The following PPFIA2 variants were observed in gnomAD, a reference collection of about 807,000 sequenced individuals.
The protein encoded by PPFIA2 is PPFI scaffold protein A2.
PPFIA2 carries 46 observed loss-of-function variants against 175.5 expected under a neutral mutation model. That is an observed-to-expected ratio of 0.26 (90% CI 0.21 to 0.34). The LOEUF is 0.34. Ranked by LOEUF, PPFIA2 falls within the 10% of genes least tolerant of loss-of-function variation. The pLI is 1.00. For synonymous variants in PPFIA2, 568 were observed against 511.4 expected (o/e 1.11, Z -1.49); for missense variants, 1,179 against 1,506.1 (o/e 0.78, Z 3.60).
chr12:81,290,204 G>A (rs1204923915), intron 24 of PPFIA2, among the ~76,000 whole-genome samples: 2 of 151,290 alleles, frequency 1.3e-5, no homozygotes, highest in Non-Finnish European at 3.0e-5. Flanking sequence ...AAAATAACTT[G>A]TATAATCTAA....
intron 22 of PPFIA2, among the ~76,000 whole-genome samples, chr12:81,306,150 T>C (rs2049089726): frequency 6.6e-6 from 1 of 152,182 alleles, no homozygotes; most frequent in Non-Finnish European, 1.5e-5. Flanking sequence ...CTTTCTATTG[T>C]CACTGCTACC....
At chr12:81,445,477 G>T in intron 6 of PPFIA2, 79 bp downstream of exon 6, 1 of 1,360,376 alleles carries the variant, frequency 7.4e-7, no homozygotes, top group East Asian at 2.4e-5. Context: ...GGAGTCAGGT[G>T]AGTCAATGGA....
intron 4 of PPFIA2, among the ~76,000 whole-genome samples, chr12:81,491,205 CT>C (rs769765539): frequency 7.7e-6 from 1 of 130,302 alleles, no homozygotes; most frequent in Non-Finnish European, 1.6e-5. Flanking sequence ...TCTGGAATTA[CT>C]TTTTTTGTTT....
At chr12:81,657,207 G>A (rs542224250) in intron 4 of PPFIA2, among the ~76,000 whole-genome samples, 10 of 152,164 alleles carry the variant, frequency 6.6e-5, no homozygotes, top group Admixed American at 2.0e-4. Flanking sequence ...TAATGCTGCC[G>A]CCAATCTTCT....
intron 6 of PPFIA2, among the ~76,000 whole-genome samples, chr12:81,445,223 G>GAGAGA (rs1258911475): frequency 8.0e-5 from 5 of 62,776 alleles, no homozygotes; most frequent in African/African-American, 4.1e-4. Flanking sequence ...GGGGGAGGGG[G>GAGAGA]GAGAGAGAGA....
rs73358681 is a variant in PPFIA2, at chr12:81,503,178, C to T, written c.304-45312G>A. On this transcript the variant is annotated intron_variant, in intron 4 of 32. Coordinates refer to ENST00000549396, the MANE Select transcript of PPFIA2 (RefSeq NM_003625.5). ...CCACTGCCCTGGTCTGGAGTTCCTC[C>T]GATGAGGACTGTGGTAACAACCTTC... 4.9e-3 allele frequency among the ~76,000 whole-genome samples: 742 copies of T among 152,166 alleles called. 8 individuals are homozygous for T. The highest frequency in any genetic ancestry group is 0.017 in the African/African-American group (710 of 41,548).
intron 4 of PPFIA2, among the ~76,000 whole-genome samples, chr12:81,634,797 C>T (rs1039110419): frequency 1.3e-5 from 2 of 151,870 alleles, no homozygotes; most frequent in Non-Finnish European, 2.9e-5. Context: ...CATTTTCACC[C>T]TTGCTTGTTT....
intron 4 of PPFIA2, among the ~76,000 whole-genome samples, chr12:81,590,586 T>C (rs2058559784): frequency 6.6e-6 from 1 of 152,032 alleles, no homozygotes; most frequent in South Asian, 2.1e-4. Flanking sequence ...TCAATTTCCA[T>C]GTGTTGTGGG....
intron 4 of PPFIA2, among the ~76,000 whole-genome samples, chr12:81,665,634 G>A (rs1286376567): frequency 6.6e-6 from 1 of 151,994 alleles, no homozygotes; most frequent in African/African-American, 2.4e-5. Flanking sequence ...AGGCAGGTTT[G>A]GAGCACTCTA....
chr12:81,301,743 G>A (rs2047902597), intron 22 of PPFIA2, among the ~76,000 whole-genome samples: 1 of 152,106 alleles, frequency 6.6e-6, no homozygotes, highest in South Asian at 2.1e-4. Context: ...CAGGATCTTG[G>A]CAGCTCACCT....
chr12:81,492,104 T>A (rs901378421), intron 4 of PPFIA2, among the ~76,000 whole-genome samples: 5 of 152,056 alleles, frequency 3.3e-5, no homozygotes, highest in Non-Finnish European at 7.4e-5. Flanking sequence ...CTTTGTAGAC[T>A]TAGTAAAAAT....
At chr12:81,724,732 G>A (rs1489557937) in intron 3 of PPFIA2, among the ~76,000 whole-genome samples, 1 of 150,832 alleles carries the variant, frequency 6.6e-6, no homozygotes, top group Non-Finnish European at 1.5e-5. Flanking sequence ...GTCATCTATT[G>A]ATGGGCACTT....
chr12:81,512,289 G>A (rs1279156197), intron 4 of PPFIA2: 1 of 1,287,090 alleles, frequency 7.8e-7, no homozygotes, highest in Non-Finnish European at 1.0e-6. Context: ...CATACCTGAT[G>A]TCCTGGTCGG....
At chr12:81,466,969 G>GT (rs1231721325) in intron 4 of PPFIA2, among the ~76,000 whole-genome samples, 1 of 148,740 alleles carries the variant, frequency 6.7e-6, no homozygotes, top group Non-Finnish European at 1.5e-5. Context: ...AAACCATGCA[G>GT]TTTTTTTCTT....
At chr12:81,331,559 G>A (rs1452891546) in intron 21 of PPFIA2, among the ~76,000 whole-genome samples, 3 of 152,024 alleles carry the variant, frequency 2.0e-5, no homozygotes, top group Non-Finnish European at 4.4e-5. Flanking sequence ...ATACAAACTG[G>A]CAGATAACCA....
At chr12:81,670,052 G>A (rs1339966546) in intron 4 of PPFIA2, among the ~76,000 whole-genome samples, 5 of 151,968 alleles carry the variant, frequency 3.3e-5, no homozygotes, top group African/African-American at 1.2e-4. Context: ...TGGCTTTTGA[G>A]AAGGGTAGCA....
At chr12:81,426,162 C>T (rs2047103646) in intron 7 of PPFIA2, among the ~76,000 whole-genome samples, 2 of 152,132 alleles carry the variant, frequency 1.3e-5, no homozygotes, top group South Asian at 4.1e-4. Context: ...ATCGATCATG[C>T]TTATGTAATG....
chr12:81,501,976 A>G (rs1413237496), intron 4 of PPFIA2, among the ~76,000 whole-genome samples: 1 of 152,178 alleles, frequency 6.6e-6, no homozygotes, highest in African/African-American at 2.4e-5. Flanking sequence ...TTCATAAAAT[A>G]GGGCATTTTC....
intron 7 of PPFIA2, among the ~76,000 whole-genome samples, chr12:81,432,756 T>G (rs1485558930): frequency 6.6e-6 from 1 of 152,050 alleles, no homozygotes; most frequent in Non-Finnish European, 1.5e-5. Context: ...TACGCCCGGC[T>G]AGAACTAACT....
Sources: allele counts gnomAD v4.1 joint callset (sites outside exome capture counted in the v4.1 genomes callset), GRCh38; gene constraint gnomAD v4.1.1; transcripts MANE v1.5; gene names NCBI Gene and HGNC (gene_info 2026-07-23, HGNC 2026-07-21).